Variants in WDR46 observed in about 807,000 individuals in gnomAD.
WDR46 encodes WD repeat domain 46.
WDR46 carries 58 observed loss-of-function variants against 74.7 expected under a neutral mutation model. That is an observed-to-expected ratio of 0.78 (90% confidence interval 0.63 to 0.97). WDR46 has a LOEUF of 0.97. WDR46 is among the 50% of genes least tolerant of loss of function. The pLI, the probability that WDR46 is intolerant of heterozygous loss-of-function variation, is 0.00. For synonymous variants in WDR46, 278 were observed against 297.3 expected (o/e 0.93, Z 0.67); for missense variants, 702 against 790.1 (o/e 0.89, Z 1.34).
intron 12 of WDR46, 67 bp downstream of exon 12, chr6:33,280,361 G>T: frequency 6.6e-7 from 1 of 1,517,026 alleles, no homozygotes; most frequent in East Asian, 2.5e-5. Context: ...ACCCTCTCCA[G>T]GACGGGGGAA....
chr6:33,279,668 C>T (rs1765953027), intron 13 of WDR46, 58 bp from the exon 14 acceptor site: 3 of 1,612,236 alleles, frequency 1.9e-6, no homozygotes, highest in Admixed American at 1.7e-5. Context: ...GAACTGGCAG[C>T]ACCCACCTGC....
intron 10 of WDR46, among the ~76,000 whole-genome samples, chr6:33,286,570 T>C (rs1278141385): frequency 6.6e-6 from 1 of 152,326 alleles, no homozygotes; most frequent in Non-Finnish European, 1.5e-5. Context: ...CAGAAAAAGT[T>C]TGTGGACCCT....
intron 12 of WDR46, 101 bp from the exon 13 acceptor site, chr6:33,279,960 C>G: frequency 8.8e-7 from 1 of 1,131,382 alleles, no homozygotes; most frequent in Non-Finnish European, 1.3e-6. Context: ...ACCCAAGACC[C>G]CCAGCATGAG....
rs770062958 is a variant in WDR46 at position 33,280,443 on chromosome 6, C to G, written c.1509G>C (p.Lys503Asn). 3.2e-6 allele frequency: 5 copies of G among 1,582,984 alleles called. No individual in the cohort carries two copies. In the South Asian group the frequency reaches 5.7e-5, roughly 18 times the overall value. Reference protein sequence around the residue: ...SRKQRQEWEVKALLEKVPAEL... With the variant: ...SRKQRQEWEVNALLEKVPAEL... The stretch of plus-strand genomic sequence containing the variant: ...GGAGCCTCACCTTCTCTAGCAGGGC[C>G]TTCACCTCCCACTCCTGGCGCTGCT... The change falls in exon 12 of 15, where the codon AAG becomes AAC. Residue 503 changes from lysine to asparagine, a missense_variant. Transcript: ENST00000374617.
In WDR46 at chr6:33,289,116, G is replaced by A. The variant is rs775067332; in HGVS notation, c.55C>T (p.Gln19Ter). The change falls in exon 1 of 15, where the codon CAG becomes TAG. Residue 19 changes from glutamine to a stop codon, truncating the protein, a stop_gained. Coordinates refer to ENST00000374617, the MANE Select transcript of WDR46 (RefSeq NM_005452.6). LOFTEE classifies it high-confidence loss of function. ...KDVPPKKDKL[Q>*]TKRKKPRRYW... ...GAGGCCTCTACCTTTCTCTTGGTCT[G>A]AAGTTTGTCTTTCTTGGGCGGGACA... 2.5e-6 allele frequency: 4 copies of A among 1,612,684 alleles called. No individual in the cohort carries two copies. The highest frequency in any genetic ancestry group is 3.4e-6 in the Non-Finnish European group (4 of 1,179,520).
chr6:33,285,128 C>T (rs1415965412), intron 10 of WDR46, among the ~76,000 whole-genome samples: 2 of 152,164 alleles, frequency 1.3e-5, no homozygotes, highest in Admixed American at 1.3e-4. Flanking sequence ...ATCAATTAGG[C>T]AAAATGTTAA....
At position 33,289,226 on chromosome 6, in the gene WDR46, C is replaced by T; in HGVS notation, c.-56G>A. 2 of 1,575,594 alleles carry T rather than the reference C, an allele frequency of 1.3e-6. No individual in the cohort carries two copies. The highest frequency in any genetic ancestry group is 1.1e-5 in the South Asian group (1 of 87,214). ...AAACTCCTCTCAGCTGCCACACAGT[C>T]GGCTTGAAAACTCCCGGAAGCCCTC... On this transcript the variant is annotated 5_prime_UTR_variant, in exon 1 of 15. Coordinates refer to ENST00000374617, the MANE Select transcript of WDR46 (RefSeq NM_005452.6).
rs749922455 is a variant in WDR46, at chr6:33,288,043, T to TG, written c.562-18dup. ...GTCAAAGTGCTGGGAAAGAGAAGAG[T>TG]GAAAAAAAAGAGTGCCCTGCAGTAA... On this transcript the variant is annotated splice_polypyrimidine_tract_variant and intron_variant, in intron 5 of 14. Transcript: ENST00000374617. The TG allele has an allele frequency of 1.1e-4, 172 of 1,613,202 alleles. No individual in the cohort carries two copies. The highest frequency in any genetic ancestry group is 2.3e-4 in the Admixed American group (14 of 59,920).
Position 33,288,933 on chromosome 6 carries a change from ATTC to A in WDR46, c.147_149del (p.Lys49del). On this transcript the variant is annotated inframe_deletion, in exon 2 of 15. Coordinates refer to ENST00000374617, the MANE Select transcript of WDR46 (RefSeq NM_005452.6). ...TTGGTCTCTGAGGACGGAGCTCCCG[ATTC>A]TTCTTGTTACGAGGAGGCCCTGGAG... 1.2e-6 allele frequency: 2 copies of A among 1,613,828 alleles called. No homozygotes were observed.
chr6:33,281,477 C>T (rs79356638), intron 10 of WDR46, among the ~76,000 whole-genome samples: 5,936 of 152,202 alleles, frequency 0.039, 252 homozygotes, highest in African/African-American at 0.099. Context: ...AGTAGATACA[C>T]AGCAGGTTCA....
intron 12 of WDR46, 103 bp downstream of exon 12, chr6:33,280,325 G>A: frequency 8.0e-7 from 1 of 1,244,594 alleles, no homozygotes; most frequent in African/African-American, 1.6e-5. Context: ...GGGGGAACCT[G>A]ACCTTCTCCA....
chr6:33,288,044 G>A lies in WDR46; in HGVS notation c.562-18C>T, dbSNP rs1406025460. On this transcript the variant is annotated intron_variant, in intron 5 of 14. Coordinates refer to ENST00000374617, the MANE Select transcript of WDR46 (RefSeq NM_005452.6). ...TCAAAGTGCTGGGAAAGAGAAGAGT[G>A]AAAAAAAAGAGTGCCCTGCAGTAAC... The A allele has an allele frequency of 1.2e-6, 2 of 1,613,456 alleles. No homozygotes were observed. Among genetic ancestry groups the A allele is most frequent in the African/African-American group, 2.7e-5 (2 of 74,790 alleles).
chr6:33,287,257 G>A, intron 8 of WDR46, 31 bp from the exon 9 acceptor site: 2 of 1,613,206 alleles, frequency 1.2e-6, no homozygotes, highest in Non-Finnish European at 1.7e-6. Context: ...GAATGACCCA[G>A]TCCTGATTGC....
At chr6:33,283,755 C>T (rs1232074601) in intron 10 of WDR46, among the ~76,000 whole-genome samples, 7 of 152,198 alleles carry the variant, frequency 4.6e-5, no homozygotes, top group Admixed American at 2.6e-4. Flanking sequence ...CAAAAATTAG[C>T]GCATGCAGTG....
At chr6:33,281,650 G>A (rs574628689) in intron 10 of WDR46, among the ~76,000 whole-genome samples, 1 of 152,292 alleles carries the variant, frequency 6.6e-6, no homozygotes, top group Non-Finnish European at 1.5e-5. Context: ...CTCTGGCAGT[G>A]ACAAATCACA....
intron 12 of WDR46, 107 bp from the exon 13 acceptor site, chr6:33,279,966 A>T (rs1272969614): frequency 2.9e-6 from 3 of 1,041,070 alleles, no homozygotes; most frequent in Non-Finnish European, 4.2e-6. Flanking sequence ...GACCCCCAGC[A>T]TGAGACATCA....
Position 33,285,498 on chromosome 6 carries a change from T to C in WDR46, c.1115+1297A>G, listed in dbSNP as rs544005134. Among the ~76,000 whole-genome samples, 4 of 152,258 alleles carry C rather than the reference T, an allele frequency of 2.6e-5. No individual in the cohort carries two copies. In the East Asian group the frequency reaches 7.8e-4, roughly 30 times the overall value. On this transcript the variant is annotated intron_variant, in intron 10 of 14. Coordinates refer to ENST00000374617, the MANE Select transcript of WDR46 (RefSeq NM_005452.6). ...TGTTAAGATTACAGGCATGAGCCACTGTGTCCAGTCTCATATTATGTTTTG... is the reference window on the plus strand; with the variant it reads ...TGTTAAGATTACAGGCATGAGCCACCGTGTCCAGTCTCATATTATGTTTTG...
At position 33,289,001 on chromosome 6, in the gene WDR46, A is replaced by G; in HGVS notation, c.82T>C (p.Tyr28His). ...LQTKRKKPRR[Y>H]WEEETVPTTA... is the part of the protein sequence containing the mutation. ...GTCGGAACGGTCTCTTCCTCCCAGTATCGCCGCGGTTTCTACAGGCACATC... is the reference window on the plus strand; with the variant it reads ...GTCGGAACGGTCTCTTCCTCCCAGTGTCGCCGCGGTTTCTACAGGCACATC... Residue 28 changes from tyrosine (Y) to histidine (H), a missense_variant, in exon 2 of 15, where the codon TAC becomes CAC. Physicochemically the swap from Tyr to His is moderately conservative, Grantham distance 83. Coordinates refer to ENST00000374617, the MANE Select transcript of WDR46 (RefSeq NM_005452.6). The G allele has an allele frequency of 1.9e-6, 3 of 1,613,980 alleles. No homozygotes were observed. Among genetic ancestry groups the G allele is most frequent in the Non-Finnish European group, 2.5e-6 (3 of 1,179,982 alleles).
In WDR46 at chr6:33,279,793, G is replaced by A; in HGVS notation, c.1591C>T (p.Gln531Ter). The A allele has an allele frequency of 6.2e-7, 1 of 1,614,122 alleles. No homozygotes were observed. Among genetic ancestry groups the A allele is most frequent in the Non-Finnish European group, 8.5e-7 (1 of 1,180,000 alleles). Reference sequence around the variant, plus strand: ...CTCTCTATCTGCTCCTTCTTTCCCTGCTCCAGGGAGATGACATCCACCTCG... The same window carrying A: ...CTCTCTATCTGCTCCTTCTTTCCCTACTCCAGGGAGATGACATCCACCTCG... ...LAEVDVISLEQGKKEQIERLG... is the reference protein window; with the variant it reads ...LAEVDVISLE The change falls in exon 13 of 15, where the codon CAG (glutamine) becomes TAG (stop). Residue 531 changes from glutamine (Q) to a stop codon, truncating the protein, a stop_gained. Transcript: ENST00000374617. LOFTEE classifies it high-confidence loss of function.
Sources: allele counts gnomAD v4.1 joint callset (sites outside exome capture counted in the v4.1 genomes callset), GRCh38; gene constraint gnomAD v4.1.1; transcripts MANE v1.5; gene names NCBI Gene and HGNC (gene_info 2026-07-23, HGNC 2026-07-21).